Variants in PCDHGA7 observed in about 807,000 individuals in gnomAD.
PCDHGA7 encodes the protein protocadherin gamma subfamily A, 7.
Under a neutral mutation model 58.3 loss-of-function variants are expected in PCDHGA7, and 44 were observed. That is an observed-to-expected ratio of 0.75 (90% confidence interval 0.59 to 0.97). The LOEUF (loss-of-function observed/expected upper bound fraction) is 0.97. Among genes scored for constraint, PCDHGA7 ranks in the 50% least tolerant of loss-of-function variants. The probability of loss-of-function intolerance (pLI) is 0.00; values close to 1 mark genes in which losing one functional copy is unlikely to be tolerated. For missense variants in PCDHGA7, 1,266 were observed against 1,188.7 expected, an observed-to-expected ratio of 1.06 and a Z score of -0.96; for synonymous variants, 516 against 504.2, an observed-to-expected ratio of 1.02 and a Z score of -0.31.
chr5:141,476,206 C>A lies in PCDHGA7; in HGVS notation c.2425-18601C>A. On this transcript the variant is annotated intron_variant, in intron 1 of 3. Transcript: ENST00000518325. This position sits in a 1 kb window ranked among gnomAD's most constrained non-coding sequence, Gnocchi z 7.6. ...TGCTTGGTGCCTTGAACAAGGCTTC[C>A]ACGGTCATTCACTATGAGATCCCGG... 1 of 1,613,930 alleles carries A rather than the reference C, an allele frequency of 6.2e-7. No individual in the cohort carries two copies. The highest frequency in any genetic ancestry group is 1.7e-5 in the Admixed American group (1 of 60,004).
At chr5:141,456,912 G>A (rs566842808) in intron 1 of PCDHGA7, among the ~76,000 whole-genome samples, 2 of 152,206 alleles carry the variant, frequency 1.3e-5, no homozygotes, top group South Asian at 2.1e-4. Context: ...GCAGTGAGCC[G>A]AGATCGCACC....
intron 1 of PCDHGA7, chr5:141,433,096 C>G: frequency 3.1e-6 from 5 of 1,614,118 alleles, no homozygotes; most frequent in Non-Finnish European, 4.2e-6. Flanking sequence ...CAGACATGCT[C>G]GTCAGCCAGG....
In PCDHGA7 at chr5:141,485,576, C is replaced by T. The variant is rs1347032247; in HGVS notation, c.2425-9231C>T. ...GAATGATCACGCCCCCCGTTTTCCG[C>T]GGCAGCAGCTGGACTTGGAAATTGG... On this transcript the variant is annotated intron_variant, in intron 1 of 3. Transcript: ENST00000518325. The surrounding 1 kb of genome is among the most constrained non-coding windows in gnomAD (Gnocchi z 5.7). 21 of 1,612,296 alleles carry T rather than the reference C, an allele frequency of 1.3e-5. 1 individual carries two copies. Among genetic ancestry groups the T allele is most frequent in the Non-Finnish European group, 1.8e-5 (21 of 1,178,636 alleles).
chr5:141,382,807 T>TC lies in PCDHGA7; in HGVS notation c.-89dup, dbSNP rs1430207152. ...GCCTCTATCCTGCTGGATTCTGAGC[T>TC]CCCCTTCCTAAGACAGAGGGGTCCA... is the stretch of plus-strand genomic sequence containing the variant. On this transcript the variant is annotated 5_prime_UTR_variant, in exon 1 of 4. Transcript: ENST00000518325. 1.8e-6 allele frequency: 2 copies of TC among 1,107,572 alleles called. No individual in the cohort carries two copies. Among genetic ancestry groups the TC allele is most frequent in the Non-Finnish European group, 2.6e-6 (2 of 771,150 alleles). 68.6% of individuals were successfully genotyped at this position (1,107,572 alleles called of 1,614,324 possible). A position where few individuals can be genotyped will look rare whatever the true frequency, so the allele number is the denominator to read the frequency against.
chr5:141,441,973 C>A lies in PCDHGA7; in HGVS notation c.2425-52834C>A, dbSNP rs1457832429. The A allele has an allele frequency of 3.7e-5, 11 of 296,542 alleles. No individual in the cohort carries two copies. In the Admixed American group the frequency reaches 4.9e-4, roughly 13 times the overall value. 18.4% of individuals were successfully genotyped at this position (296,542 alleles called of 1,614,324 possible). A position where few individuals can be genotyped will look rare whatever the true frequency, so the allele number is the denominator to read the frequency against. ...GGCCAGCAAGCCCAGGCTCTTCAGC[C>A]TGGAATGCGCACCGACGAGGTGCTG... On this transcript the variant is annotated intron_variant, in intron 1 of 3. Coordinates refer to ENST00000518325, the MANE Select transcript of PCDHGA7 (RefSeq NM_018920.4).
chr5:141,501,290 TAC>T (rs55762287), intron 2 of PCDHGA7, among the ~76,000 whole-genome samples: 11,544 of 136,022 alleles, frequency 0.085, 708 homozygotes, highest in East Asian at 0.37. Context: ...TATTCCCTTA[TAC>T]ACACACACAC....
At chr5:141,453,959 C>A (rs919037104) in intron 1 of PCDHGA7, among the ~76,000 whole-genome samples, 1 of 152,182 alleles carries the variant, frequency 6.6e-6, no homozygotes, top group African/African-American at 2.4e-5. Flanking sequence ...GCACAGACAG[C>A]AAAGCATGTA....
At position 141,477,866 on chromosome 5, in the gene PCDHGA7, A is replaced by G; in HGVS notation, c.2425-16941A>G. ...CTCGGTGGAGATGCTGCCTCGAGGT[A>G]CCTCAGCTGGCCACCTAGTGTCACG... On this transcript the variant is annotated intron_variant, in intron 1 of 3. Coordinates refer to ENST00000518325, the MANE Select transcript of PCDHGA7 (RefSeq NM_018920.4). This position sits in a 1 kb window ranked among gnomAD's most constrained non-coding sequence, Gnocchi z 4.9. 1 of 1,614,072 alleles carries G rather than the reference A, an allele frequency of 6.2e-7. No homozygotes were observed. Among genetic ancestry groups the G allele is most frequent in the Non-Finnish European group, 8.5e-7 (1 of 1,179,988 alleles).
At chr5:141,496,021 G>T (rs1011612662) in intron 2 of PCDHGA7, among the ~76,000 whole-genome samples, 2 of 151,336 alleles carry the variant, frequency 1.3e-5, no homozygotes, top group African/African-American at 4.9e-5. Flanking sequence ...TTTTCTCTGA[G>T]CCTCTGTCTC....
intron 1 of PCDHGA7, chr5:141,411,432 AC>A (rs1483186233): frequency 6.6e-6 from 1 of 151,012 alleles, no homozygotes; most frequent in African/African-American, 2.4e-5. Context: ...ACAAAAAAAA[AC>A]ATTAGCAGAG....
intron 1 of PCDHGA7, chr5:141,419,136 A>G: frequency 1.9e-6 from 3 of 1,613,918 alleles, no homozygotes; most frequent in Non-Finnish European, 1.7e-6. Context: ...GCAGCCACAG[A>G]CAGGGGCAAG....
Position 141,490,644 on chromosome 5 carries a change from T to G in PCDHGA7, c.2425-4163T>G, listed in dbSNP as rs772742713. 1 of 1,614,188 alleles carries G rather than the reference T, an allele frequency of 6.2e-7. No individual in the cohort carries two copies. Among genetic ancestry groups the G allele is most frequent in the Non-Finnish European group, 8.5e-7 (1 of 1,180,016 alleles). The stretch of plus-strand genomic sequence containing the variant: ...CTGCTTACATCCTAGAAAACCGGCC[T>G]CCGGGCTCCCTTCTTTGCACTGTGG... On this transcript the variant is annotated intron_variant, in intron 1 of 3. Transcript: ENST00000518325. The surrounding 1 kb of genome is among the most constrained non-coding windows in gnomAD (Gnocchi z 5.4).
intron 1 of PCDHGA7, among the ~76,000 whole-genome samples, chr5:141,482,354 G>C (rs1461472845): frequency 6.6e-6 from 1 of 152,096 alleles, no homozygotes; most frequent in Non-Finnish European, 1.5e-5. Context: ...CTTGTTGTGA[G>C]AGTGAAAAGT....
At chr5:141,418,732 G>A (rs747081573) in intron 1 of PCDHGA7, 1 of 1,613,994 alleles carries the variant, frequency 6.2e-7, no homozygotes, top group Non-Finnish European at 8.5e-7. Flanking sequence ...CTCAGCACGT[G>A]TTCTCTCTGG....
intron 1 of PCDHGA7, chr5:141,415,556 CTT>C: frequency 6.2e-7 from 1 of 1,614,078 alleles, no homozygotes; most frequent in Non-Finnish European, 8.5e-7. Context: ...AAAAACGATC[CTT>C]TGTCTTTGTT....
At chr5:141,399,736 G>A (rs771689220) in intron 1 of PCDHGA7, 4 of 1,613,306 alleles carry the variant, frequency 2.5e-6, no homozygotes, top group Non-Finnish European at 3.4e-6. Flanking sequence ...GGGCTCGCCT[G>A]CGCTCAGCGC....
At chr5:141,500,184 TTTTATTTATTTA>T (rs58019021) in intron 2 of PCDHGA7, among the ~76,000 whole-genome samples, 197 of 135,960 alleles carry the variant, frequency 1.4e-3, no homozygotes, top group African/African-American at 3.6e-3. Context: ...TCATTTTTAT[TTTTATTTATTTA>T]TTTATTTATT....
At chr5:141,410,849 C>CTTTTTCT (rs2095432763) in intron 1 of PCDHGA7, 1 of 129,786 alleles carries the variant, frequency 7.7e-6, no homozygotes, top group Non-Finnish European at 1.3e-5. Flanking sequence ...TTGTCTTTGT[C>CTTTTTCT]TTTTTTTTTT....
intron 1 of PCDHGA7, chr5:141,433,307 C>T (rs982853368): frequency 2.2e-6 from 2 of 913,640 alleles, no homozygotes; most frequent in Admixed American, 2.7e-5. Context: ...AATTATCCCA[C>T]CTTTGCCTCC....
Sources: gnomAD v4.1 joint callset for allele counts (sites outside exome capture counted in the v4.1 genomes callset) on GRCh38, gnomAD v4.1.1 for gene constraint, Gnocchi (gnomAD v3.1) non-coding constraint, MANE v1.5 for transcripts, NCBI Gene and HGNC (gene_info 2026-07-23, HGNC 2026-07-21) for gene names.